The following LUZP2 variants were observed in gnomAD, a reference collection of about 807,000 sequenced individuals.
The protein encoded by LUZP2 is leucine zipper protein 2.
LUZP2 carries 52 observed loss-of-function variants against 51.6 expected under a neutral mutation model. The observed-to-expected ratio is 1.01, with a 90% CI of 0.81 to 1.27. The LOEUF (loss-of-function observed/expected upper bound fraction) is 1.27, where lower values mean the gene tolerates loss of function less well. Among genes scored for constraint, LUZP2 ranks in the 50% most tolerant of loss-of-function variants. The probability of loss-of-function intolerance (pLI) is 0.00; values close to 1 mark genes in which losing one functional copy is unlikely to be tolerated. For missense variants in LUZP2, 436 were observed against 395.4 expected, an observed-to-expected ratio of 1.10 and a Z score of -0.87; for synonymous variants, 154 against 137.3, an observed-to-expected ratio of 1.12 and a Z score of -0.85.
chr11:24,624,405 ACT>A (rs1854608029), intron 1 of LUZP2, among the ~76,000 whole-genome samples: 1 of 152,170 alleles, frequency 6.6e-6, no homozygotes, highest in Admixed American at 6.6e-5. Context: ...ATGAAATAAA[ACT>A]CTTAGTCAAA....
chr11:24,741,885 ATT>A (rs1859160875), intron 4 of LUZP2, among the ~76,000 whole-genome samples: 1 of 139,550 alleles, frequency 7.2e-6, no homozygotes, highest in Non-Finnish European at 1.5e-5. Flanking sequence ...ATAAATATAT[ATT>A]TATATACATA....
chr11:24,867,449 A>G (rs971989681), intron 5 of LUZP2, among the ~76,000 whole-genome samples: 7 of 151,858 alleles, frequency 4.6e-5, no homozygotes, highest in Non-Finnish European at 1.0e-4. Flanking sequence ...TCATTTTGTT[A>G]TTGATCACGC....
chr11:24,937,376 A>G (rs902360063), intron 7 of LUZP2, among the ~76,000 whole-genome samples: 11 of 152,186 alleles, frequency 7.2e-5, no homozygotes, highest in Non-Finnish European at 1.5e-4. Context: ...CTTGTTGGAT[A>G]TCAGCTCCTG....
intron 1 of LUZP2, among the ~76,000 whole-genome samples, chr11:24,721,529 C>A (rs1176821492): frequency 1.3e-5 from 2 of 152,014 alleles, no homozygotes; most frequent in Non-Finnish European, 2.9e-5. Flanking sequence ...AGAAAAACTA[C>A]CATTCTTGCA....
intron 7 of LUZP2, among the ~76,000 whole-genome samples, chr11:24,931,971 T>G (rs1162990153): frequency 6.6e-6 from 1 of 152,208 alleles, no homozygotes; most frequent in African/African-American, 2.4e-5. Flanking sequence ...GGTGTTCACC[T>G]CTTCCCATAG....
chr11:24,969,225 T>A (rs914590067), intron 7 of LUZP2, among the ~76,000 whole-genome samples: 5 of 152,190 alleles, frequency 3.3e-5, no homozygotes, highest in African/African-American at 4.8e-5. Flanking sequence ...TATGTTCTTA[T>A]CATTTAGCTC....
At chr11:25,011,819 A>G (rs1220467060) in intron 9 of LUZP2, among the ~76,000 whole-genome samples, 1 of 151,948 alleles carries the variant, frequency 6.6e-6, no homozygotes, top group Non-Finnish European at 1.5e-5. Context: ...TTGTAGATTT[A>G]TTATTTATAT....
At chr11:24,857,124 C>T (rs1463449785) in intron 5 of LUZP2, among the ~76,000 whole-genome samples, 1 of 151,812 alleles carries the variant, frequency 6.6e-6, no homozygotes, top group Non-Finnish European at 1.5e-5. Flanking sequence ...AGCAGATTCC[C>T]AATTTGAAAC....
At chr11:24,613,031 CT>C (rs1206288599) in intron 1 of LUZP2, among the ~76,000 whole-genome samples, 1 of 152,082 alleles carries the variant, frequency 6.6e-6, no homozygotes, top group Non-Finnish European at 1.5e-5. Flanking sequence ...CATGCCAACT[CT>C]TATGTAGAAT....
intron 9 of LUZP2, among the ~76,000 whole-genome samples, chr11:25,023,980 T>G (rs956353849): frequency 1.3e-5 from 2 of 152,182 alleles, no homozygotes; most frequent in African/African-American, 2.4e-5. Flanking sequence ...CTAGTTTGAT[T>G]GCACTGTGGT....
At chr11:24,624,811 T>C (rs1196905931) in intron 1 of LUZP2, among the ~76,000 whole-genome samples, 1 of 152,104 alleles carries the variant, frequency 6.6e-6, no homozygotes, top group African/African-American at 2.4e-5. Flanking sequence ...TACCTAGCTT[T>C]TCAAAAAGGG....
chr11:24,754,533 C>T (rs1368782627), intron 4 of LUZP2, among the ~76,000 whole-genome samples: 1 of 152,124 alleles, frequency 6.6e-6, no homozygotes, highest in Non-Finnish European at 1.5e-5. Flanking sequence ...AAATGGGGCT[C>T]CCCTAACCAC....
intron 7 of LUZP2, among the ~76,000 whole-genome samples, chr11:24,971,422 C>G (rs1169911953): frequency 6.6e-6 from 1 of 151,938 alleles, no homozygotes; most frequent in African/African-American, 2.4e-5. Context: ...GCTGTGCTGC[C>G]CAGTTCCTAA....
intron 5 of LUZP2, among the ~76,000 whole-genome samples, chr11:24,903,097 A>G (rs1853328133): frequency 6.6e-6 from 1 of 152,064 alleles, no homozygotes; most frequent in South Asian, 2.1e-4. Context: ...TACATCCCCT[A>G]TTTTGTCTCC....
chr11:24,608,752 C>A (rs111510790), intron 1 of LUZP2, among the ~76,000 whole-genome samples: 424 of 152,164 alleles, frequency 2.8e-3, no homozygotes, highest in African/African-American at 9.9e-3. Flanking sequence ...AAAACTAATA[C>A]AAACTATAGA....
At chr11:24,574,235 T>TCTTG (rs1852549121) in intron 1 of LUZP2, among the ~76,000 whole-genome samples, 19 of 1,826 alleles carry the variant, frequency 0.01, 1 homozygote, top group African/African-American at 0.018. Flanking sequence ...TTTCTTTCTT[T>TCTTG]CTTTCTTTCT....
intron 5 of LUZP2, among the ~76,000 whole-genome samples, chr11:24,832,495 T>C (rs1483698424): frequency 6.6e-6 from 1 of 151,942 alleles, no homozygotes; most frequent in Non-Finnish European, 1.5e-5. Context: ...TATTATTACA[T>C]ACCAGAATGT....
intron 9 of LUZP2, among the ~76,000 whole-genome samples, chr11:25,036,017 T>C (rs1482976230): frequency 1.3e-5 from 2 of 152,076 alleles, no homozygotes; most frequent in Non-Finnish European, 2.9e-5. Context: ...TCCCCAGCTT[T>C]TTGGAATAGT....
chr11:24,715,292 TGTGTGTGTGTGTGTGC>T (rs765202476), intron 1 of LUZP2, among the ~76,000 whole-genome samples: 34 of 137,918 alleles, frequency 2.5e-4, no homozygotes, highest in Non-Finnish European at 4.3e-4. Context: ...TGTGTGTGTG[TGTGTGTGTGTGTGTGC>T]ATGCGTATTT....
Sources: allele counts gnomAD v4.1 joint callset (sites outside exome capture counted in the v4.1 genomes callset), GRCh38; gene constraint gnomAD v4.1.1; transcripts MANE v1.5; gene names NCBI Gene and HGNC (gene_info 2026-07-23, HGNC 2026-07-21).